RYR1: variants seen among roughly 807,000 people sequenced by gnomAD.
RYR1 encodes ryanodine receptor 1.
RYR1 carries 342 observed loss-of-function variants against 583.5 expected under a neutral mutation model. That is an observed-to-expected ratio of 0.59 (90% CI 0.54 to 0.64). The LOEUF is 0.64. Ranked by LOEUF, RYR1 falls within the 30% of genes least tolerant of loss-of-function variation. The pLI, the probability that RYR1 is intolerant of heterozygous loss-of-function variation, is 0.00. For synonymous variants in RYR1, 2,791 were observed against 2,822.5 expected, an observed-to-expected ratio of 0.99 and a Z score of 0.35; for missense variants, 6,032 against 6,917.2, an observed-to-expected ratio of 0.87 and a Z score of 4.54.
intron 96 of RYR1, 110 bp from the exon 97 acceptor site, chr19:38,575,809 A>G: frequency 8.2e-7 from 1 of 1,216,252 alleles, no homozygotes; most frequent in Non-Finnish European, 1.2e-6. Context: ...TCTCAAAAAA[A>G]AAGGAAAAAG....
At chr19:38,511,271 G>A (rs1464499065) in intron 60 of RYR1, among the ~76,000 whole-genome samples, 1 of 152,112 alleles carries the variant, frequency 6.6e-6, no homozygotes, top group African/African-American at 2.4e-5. Context: ...ACTCCAGCCT[G>A]GGTGACAGAG....
chr19:38,583,708 ACTGTGTGTTT>A (rs922656969), intron 101 of RYR1, among the ~76,000 whole-genome samples: 3 of 152,048 alleles, frequency 2.0e-5, no homozygotes, highest in East Asian at 1.9e-4. Context: ...TTCCCCTAGG[ACTGTGTGTTT>A]TCTCCCAATT....
chr19:38,454,279 A>G (rs1415648288), intron 13 of RYR1, among the ~76,000 whole-genome samples: 1 of 152,108 alleles, frequency 6.6e-6, no homozygotes, highest in Non-Finnish European at 1.5e-5. Context: ...ACCTCAGGTG[A>G]TCCACCCGCC....
In RYR1 at chr19:38,475,424, C is replaced by A; in HGVS notation, c.4267C>A (p.Pro1423Thr). 2 of 1,613,826 alleles carry A rather than the reference C, an allele frequency of 1.2e-6. No individual in the cohort carries two copies. The highest frequency in any genetic ancestry group is 1.7e-6 in the Non-Finnish European group (2 of 1,180,024). The stretch of plus-strand genomic sequence containing the variant: ...GGTGCCTGCAGACAACCGCGATGAC[C>A]CCGAGATCATCCTCAACACCACCAC... Reference protein sequence around the residue: ...DVVPADNRDDPEIILNTTTYY... With the variant: ...DVVPADNRDDTEIILNTTTYY... The change falls in exon 29 of 106, where the codon CCC becomes ACC. Residue 1423 changes from proline to threonine, a missense_variant. Around this residue, in one of 11 missense-constraint regions of RYR1, gnomAD observed 2,627 missense variants for 2,961.3 expected, o/e 0.89. Transcript: ENST00000359596.
Position 38,561,180 on chromosome 19 carries a change from A to G in RYR1, c.12350A>G (p.Asp4117Gly). ...TTCCTGCTTTCGTGCTCCGAAGCGG[A>G]TGAGAACGAAATGATCAACTGCGAA... Reference protein sequence around the residue: ...IQFLLSCSEADENEMINCEEF... With the variant: ...IQFLLSCSEAGENEMINCEEF... Residue 4117 changes from aspartate (D) to glycine (G), a missense_variant, in exon 90 of 106, where the codon GAT becomes GGT. By Grantham distance (94) the Asp-to-Gly change is moderately conservative. Coordinates refer to ENST00000359596, the MANE Select transcript of RYR1 (RefSeq NM_000540.3). This position sits in a 1 kb window ranked among gnomAD's most constrained non-coding sequence, Gnocchi z 4.8. The G allele has an allele frequency of 6.2e-7, 1 of 1,614,160 alleles. No homozygotes were observed. Among genetic ancestry groups the G allele is most frequent in the Non-Finnish European group, 8.5e-7 (1 of 1,180,024 alleles).
chr19:38,542,520 T>C (rs1196887412), intron 84 of RYR1, among the ~76,000 whole-genome samples: 2 of 152,018 alleles, frequency 1.3e-5, no homozygotes, highest in African/African-American at 4.8e-5. Context: ...TATTTTTTTA[T>C]ATTTATTTAT....
intron 99 of RYR1, among the ~76,000 whole-genome samples, chr19:38,578,615 T>C (rs1028045292): frequency 1.3e-5 from 2 of 151,956 alleles, no homozygotes; most frequent in Non-Finnish European, 2.9e-5. Flanking sequence ...GGCAGATCAC[T>C]TGAGGTCAGG....
Position 38,478,300 on chromosome 19 carries a change from T to G in RYR1, c.4455-135T>G, listed in dbSNP as rs56271299. Reference sequence around the variant, plus strand: ...AGTGTCCGGGGCGAGGGGTTTCAGCTCTCAGGTCTGCAGGCGGTGGGTGTT... The same window carrying G: ...AGTGTCCGGGGCGAGGGGTTTCAGCGCTCAGGTCTGCAGGCGGTGGGTGTT... On this transcript the variant is annotated intron_variant, in intron 30 of 105. Transcript: ENST00000359596. The G allele has an allele frequency of 0.16, 153,906 of 951,564 alleles. 16,799 individuals are homozygous for G. The highest frequency in any genetic ancestry group is 0.45 in the African/African-American group (28,085 of 61,730). 58.9% of individuals were successfully genotyped at this position (951,564 alleles called of 1,614,324 possible). A position where few individuals can be genotyped will look rare whatever the true frequency, so the allele number is the denominator to read the frequency against.
chr19:38,442,480 G>A lies in RYR1; in HGVS notation c.270+27G>A, dbSNP rs3745843. ...TGAGGACCCCACCTGGGGGTGGGCG[G>A]GGTGGCAGAGATGGGCGAGAGGACC... On this transcript the variant is annotated intron_variant, in intron 3 of 105. Transcript: ENST00000359596. 222,277 of 1,568,804 alleles carry A rather than the reference G, an allele frequency of 0.14. 17,274 individuals carry two copies. Among genetic ancestry groups the A allele is most frequent in the East Asian group, 0.3 (13,222 of 44,618 alleles).
intron 10 of RYR1, 63 bp from the exon 11 acceptor site, chr19:38,448,586 A>AG (rs1293846644): frequency 2.5e-6 from 4 of 1,614,086 alleles, no homozygotes; most frequent in Non-Finnish European, 2.5e-6. Flanking sequence ...GCAGTCCCTC[A>AG]GGGGGGCTCC....
At chr19:38,516,497 G>T (rs897137175) in intron 65 of RYR1, among the ~76,000 whole-genome samples, 16 of 152,142 alleles carry the variant, frequency 1.1e-4, no homozygotes, top group Non-Finnish European at 2.9e-5. Context: ...AGGCGCAGTG[G>T]GTCACGCCTG....
chr19:38,516,573 T>C (rs999884196), intron 65 of RYR1, among the ~76,000 whole-genome samples: 4 of 152,106 alleles, frequency 2.6e-5, no homozygotes, highest in Non-Finnish European at 5.9e-5. Flanking sequence ...AAGACCAACC[T>C]GGGCAACATA....
intron 90 of RYR1, among the ~76,000 whole-genome samples, chr19:38,564,125 T>C (rs925740846): frequency 2.6e-5 from 4 of 152,218 alleles, no homozygotes; most frequent in African/African-American, 9.6e-5. Flanking sequence ...CTGCCTGTAA[T>C]CCCAGCACTT....
intron 18 of RYR1, 24 bp downstream of exon 18, chr19:38,458,316 C>A: frequency 6.2e-7 from 1 of 1,608,126 alleles, no homozygotes; most frequent in South Asian, 1.1e-5. Context: ...TCCAGGGGAC[C>A]CTCACCCCTG....
intron 20 of RYR1, 44 bp downstream of exon 20, chr19:38,460,635 T>C (rs1370595917): frequency 6.4e-7 from 1 of 1,563,670 alleles, no homozygotes; most frequent in Non-Finnish European, 8.7e-7. Context: ...GCAGGGTCTC[T>C]TAGGAGTCAG....
intron 89 of RYR1, among the ~76,000 whole-genome samples, chr19:38,559,491 C>G (rs1180364328): frequency 6.6e-6 from 1 of 152,004 alleles, no homozygotes; most frequent in Admixed American, 6.6e-5. Context: ...GCCTCGGCCT[C>G]CCAAAGTCCT....
In RYR1 at chr19:38,440,865, G is replaced by T. The variant is rs1388577237; in HGVS notation, c.165+1G>T. On this transcript the variant is annotated splice_donor_variant, in intron 2 of 105. Coordinates refer to ENST00000359596, the MANE Select transcript of RYR1 (RefSeq NM_000540.3). LOFTEE classifies it high-confidence loss of function. Reference sequence around the variant, plus strand: ...CCTGGAGCCCACTAGCAACGCGCAGGTCTGTGCAGGAGGGAGAGGGGCCTG... The same window carrying T: ...CCTGGAGCCCACTAGCAACGCGCAGTTCTGTGCAGGAGGGAGAGGGGCCTG... 6.2e-7 allele frequency: 1 copy of T among 1,612,056 alleles called. No individual in the cohort carries two copies. The highest frequency in any genetic ancestry group is 1.3e-5 in the African/African-American group (1 of 75,048).
At position 38,448,415 on chromosome 19, in the gene RYR1, G is replaced by A. The variant is rs1403433649; in HGVS notation, c.861G>A (p.Gly287=). The change falls in exon 10 of 106, where the codon GGG becomes GGA. Residue 287 remains glycine (G), a synonymous_variant. Transcript: ENST00000359596. ...QPLRVRHVTT[G]QYLALTEDQG... is the part of the protein sequence containing the mutation. ...TCCGAGTCCGGCATGTCACTACCGG[G>A]CAGTACCTAGCGCTCACCGAGGACC... 6.2e-7 allele frequency: 1 copy of A among 1,613,182 alleles called. No individual in the cohort carries two copies. Among genetic ancestry groups the A allele is most frequent in the Non-Finnish European group, 8.5e-7 (1 of 1,180,026 alleles).
chr19:38,478,708 C>T (rs1968869385), intron 31 of RYR1, 108 bp downstream of exon 31: 2 of 1,320,780 alleles, frequency 1.5e-6, no homozygotes, highest in Admixed American at 1.8e-5. Flanking sequence ...ACAAAAACAG[C>T]TCCTAGGCTG....
Sources: gnomAD v4.1 joint callset for allele counts (sites outside exome capture counted in the v4.1 genomes callset) on GRCh38, gnomAD v4.1.1 for gene constraint, gnomAD v4.1.1 regional missense constraint, Gnocchi (gnomAD v3.1) non-coding constraint, MANE v1.5 for transcripts, NCBI Gene and HGNC (gene_info 2026-07-23, HGNC 2026-07-21) for gene names.